Variants in RBMS3 observed in about 807,000 individuals in gnomAD.
The protein encoded by RBMS3 is RNA binding motif single stranded interacting protein 3, also known as RNA-binding motif, single-stranded-interacting protein 3.
Under a neutral mutation model 66.8 loss-of-function variants are expected in RBMS3, and 27 were observed. The observed-to-expected ratio is 0.40, with a 90% CI of 0.30 to 0.56. RBMS3 has a LOEUF of 0.56. Among genes scored for constraint, RBMS3 ranks in the 20% least tolerant of loss-of-function variants. The pLI is 0.40. For synonymous variants in RBMS3, 188 were observed against 183.0 expected (o/e 1.03, Z -0.22); for missense variants, 513 against 549.5 (o/e 0.93, Z 0.66).
intron 3 of RBMS3, among the ~76,000 whole-genome samples, chr3:29,549,960 A>G (rs540585542): frequency 1.3e-5 from 2 of 151,738 alleles, no homozygotes; most frequent in Non-Finnish European, 2.9e-5. Flanking sequence ...TATAGGCATT[A>G]AAAAAAATGA....
intron 2 of RBMS3, among the ~76,000 whole-genome samples, chr3:29,472,632 G>T (rs1012951341): frequency 6.6e-6 from 1 of 152,096 alleles, no homozygotes; most frequent in Non-Finnish European, 1.5e-5. Flanking sequence ...CAGGAGTGAA[G>T]CTGCAGACCT....
At position 30,008,181 on chromosome 3, in the gene RBMS3, A is replaced by T. The variant is rs1212878716; in HGVS notation, c.*4319A>T. 1 of 151,852 alleles carries T rather than the reference A, an allele frequency of 6.6e-6. No individual in the cohort carries two copies. Among genetic ancestry groups the T allele is most frequent in the Non-Finnish European group, 1.5e-5 (1 of 67,922 alleles). The allele number at this position is 151,852 out of a possible 1,614,324, so 9.4% of individuals were successfully genotyped here. A position where few individuals can be genotyped will look rare whatever the true frequency, so the allele number is the denominator to read the frequency against. On this transcript the variant is annotated 3_prime_UTR_variant, in exon 15 of 15. Transcript: ENST00000383767. ...CCCTATTAATGAAAAGTGAAATTTG[A>T]TTTAATTAGGACTCTTGCAGTCATC...
intron 4 of RBMS3, among the ~76,000 whole-genome samples, chr3:29,594,321 A>T (rs1368754629): frequency 2.6e-5 from 4 of 152,038 alleles, no homozygotes; most frequent in East Asian, 1.9e-4. Flanking sequence ...TTATTTCAAC[A>T]CTTACCTTCT....
intron 4 of RBMS3, among the ~76,000 whole-genome samples, chr3:29,726,036 A>T (rs1413600763): frequency 6.6e-6 from 1 of 152,218 alleles, no homozygotes. Context: ...CATCCCAGGG[A>T]TGCAAGGCTG....
intron 4 of RBMS3, among the ~76,000 whole-genome samples, chr3:29,619,820 T>G (rs946652503): frequency 2.6e-5 from 4 of 152,194 alleles, no homozygotes; most frequent in African/African-American, 9.6e-5. Context: ...AGGATCTAGT[T>G]TATACACCAC....
intron 2 of RBMS3, among the ~76,000 whole-genome samples, chr3:29,471,546 A>G (rs2042725549): frequency 6.6e-6 from 1 of 152,148 alleles, no homozygotes; most frequent in Non-Finnish European, 1.5e-5. Flanking sequence ...GCACATCTGT[A>G]ACCACAACCT....
At chr3:29,575,775 C>T (rs1243104519) in intron 3 of RBMS3, among the ~76,000 whole-genome samples, 1 of 151,938 alleles carries the variant, frequency 6.6e-6, no homozygotes, top group Non-Finnish European at 1.5e-5. Flanking sequence ...ATCAGTTTTA[C>T]TATTGAGTGA....
chr3:30,002,276 T>A (rs1017344403), intron 14 of RBMS3, among the ~76,000 whole-genome samples: 1 of 151,990 alleles, frequency 6.6e-6, no homozygotes, highest in African/African-American at 2.4e-5. Flanking sequence ...GAATAAGACA[T>A]CATTCACTGA....
chr3:29,624,514 G>A (rs1487275995), intron 4 of RBMS3, among the ~76,000 whole-genome samples: 1 of 152,058 alleles, frequency 6.6e-6, no homozygotes, highest in African/African-American at 2.4e-5. Context: ...CTTTTGATTG[G>A]CCAGATTCTA....
At position 29,787,936 on chromosome 3, in the gene RBMS3, T is replaced by C. The variant is rs375375591; in HGVS notation, c.637+24947T>C. Among the ~76,000 whole-genome samples the C allele has an allele frequency of 2.3e-4, 35 of 152,316 alleles. 1 individual carries two copies. The highest frequency in any genetic ancestry group is 7.2e-4 in the African/African-American group (30 of 41,568). Reference sequence around the variant, plus strand: ...TTATGATGGATTCTTCTAATGTACATTTGATTTATTTTATATTTTGAGTTG... The same window carrying C: ...TTATGATGGATTCTTCTAATGTACACTTGATTTATTTTATATTTTGAGTTG... On this transcript the variant is annotated intron_variant, in intron 6 of 14. Coordinates refer to ENST00000383767, the MANE Select transcript of RBMS3 (RefSeq NM_001003793.3).
At chr3:29,921,319 C>T (rs576870177) in intron 10 of RBMS3, among the ~76,000 whole-genome samples, 2 of 152,178 alleles carry the variant, frequency 1.3e-5, no homozygotes, top group South Asian at 2.1e-4. Flanking sequence ...CTGCCTCAGC[C>T]TCCCAAACTG....
Position 29,724,337 on chromosome 3 carries a change from T to C in RBMS3, c.400-15383T>C, listed in dbSNP as rs534463827. Among the ~76,000 whole-genome samples, 15 of 152,318 alleles carry C rather than the reference T, an allele frequency of 9.8e-5. 1 individual carries two copies. In the East Asian group the frequency reaches 2.9e-3, roughly 29 times the overall value. ...AAGTGTTCTAAATTTCCTTATGTAA[T>C]AAAAATTGTAGAAATGATCATGATT... On this transcript the variant is annotated intron_variant, in intron 4 of 14. Transcript: ENST00000383767.
intron 1 of RBMS3, among the ~76,000 whole-genome samples, chr3:29,289,124 T>C (rs953669589): frequency 6.6e-6 from 1 of 151,856 alleles, no homozygotes; most frequent in African/African-American, 2.4e-5. Flanking sequence ...TTTGGGAAAG[T>C]TGGTTTCTGT....
At chr3:29,389,129 A>G (rs1035917536) in intron 1 of RBMS3, among the ~76,000 whole-genome samples, 1 of 152,174 alleles carries the variant, frequency 6.6e-6, no homozygotes, top group Non-Finnish European at 1.5e-5. Context: ...ACAAGCAAAA[A>G]ATAAAAGTGT....
intron 2 of RBMS3, among the ~76,000 whole-genome samples, chr3:29,473,044 T>C (rs2042801101): frequency 1.4e-5 from 2 of 143,326 alleles, no homozygotes; most frequent in Admixed American, 7.3e-5. Context: ...AGAGTGTAGA[T>C]TGGTGCATTC....
At chr3:29,798,256 AAAGGG>A (rs1243557825) in intron 6 of RBMS3, among the ~76,000 whole-genome samples, 3,817 of 102,100 alleles carry the variant, frequency 0.037, 159 homozygotes, top group East Asian at 0.088. Flanking sequence ...GGACAGAAGA[AAAGGG>A]AAGGGAAGGG....
intron 14 of RBMS3, among the ~76,000 whole-genome samples, chr3:29,994,073 C>T (rs1029734343): frequency 2.6e-5 from 4 of 152,142 alleles, no homozygotes; most frequent in Non-Finnish European, 4.4e-5. Context: ...TGGGTGCATG[C>T]ACCGTGCGCA....
chr3:29,826,449 T>G (rs1253155687), intron 6 of RBMS3, among the ~76,000 whole-genome samples: 1 of 152,164 alleles, frequency 6.6e-6, no homozygotes, highest in East Asian at 1.9e-4. Context: ...TCTCCCTAAT[T>G]TAACGTATAA....
At chr3:29,872,279 T>C (rs1336537847) in intron 7 of RBMS3, among the ~76,000 whole-genome samples, 2 of 152,150 alleles carry the variant, frequency 1.3e-5, no homozygotes, top group African/African-American at 4.8e-5. Context: ...TATTAAAATA[T>C]ATTTTTTAAA....
Sources: gnomAD v4.1 joint callset for allele counts (sites outside exome capture counted in the v4.1 genomes callset) on GRCh38, gnomAD v4.1.1 for gene constraint, MANE v1.5 for transcripts, NCBI Gene and HGNC (gene_info 2026-07-23, HGNC 2026-07-21) for gene names.